Variants in NLK observed in about 807,000 individuals in gnomAD.
NLK encodes the protein serine/threonine-protein kinase NLK.
NLK carries 11 observed loss-of-function variants against 59.0 expected under a neutral mutation model. The observed-to-expected ratio is 0.19, with a 90% CI of 0.12 to 0.31. The LOEUF is 0.31. Ranked by LOEUF, NLK falls within the 10% of genes least tolerant of loss-of-function variation. The pLI is 1.00. For missense variants in NLK, 410 were observed against 661.1 expected (o/e 0.62, Z 4.16); for synonymous variants, 235 against 235.9 (o/e 1.00, Z 0.03).
chr17:28,175,337 C>G (rs940293719), intron 7 of NLK, among the ~76,000 whole-genome samples: 10 of 151,792 alleles, frequency 6.6e-5, no homozygotes, highest in African/African-American at 2.4e-4. Context: ...GCCTGTAGTC[C>G]CAGCTACTCG....
chr17:28,172,435 A>T (rs892903764), intron 6 of NLK, 82 bp from the exon 7 acceptor site: 4 of 876,604 alleles, frequency 4.6e-6, no homozygotes, highest in Non-Finnish European at 6.3e-6. Flanking sequence ...GATTTGGTCC[A>T]CTTCTCTAAG....
intron 10 of NLK, 65 bp downstream of exon 10, chr17:28,192,278 A>T (rs1393537092): frequency 1.2e-6 from 1 of 840,970 alleles, no homozygotes; most frequent in African/African-American, 1.7e-5. Flanking sequence ...TTACTTCATT[A>T]TTCAGCATAT....
In NLK at chr17:28,194,651, G is replaced by A. The variant is rs1405978975; in HGVS notation, c.*15G>A. The A allele has an allele frequency of 6.4e-7, 1 of 1,572,140 alleles. No individual in the cohort carries two copies. Among genetic ancestry groups the A allele is most frequent in the Non-Finnish European group, 8.7e-7 (1 of 1,146,988 alleles). On this transcript the variant is annotated 3_prime_UTR_variant, in exon 11 of 11. Transcript: ENST00000407008. ...TGTGGGAGTGATGGTGGAAGATAAT[G>A]TACTACTGAAGATGTAATGTAGCTT...
At chr17:28,110,178 A>T (rs888095853) in intron 1 of NLK, among the ~76,000 whole-genome samples, 1 of 152,112 alleles carries the variant, frequency 6.6e-6, no homozygotes, top group Admixed American at 6.6e-5. Flanking sequence ...GTTGTGAATG[A>T]AATTGTTTTC....
intron 1 of NLK, among the ~76,000 whole-genome samples, chr17:28,103,238 G>T (rs531389023): frequency 6.6e-6 from 1 of 152,262 alleles, no homozygotes; most frequent in South Asian, 2.1e-4. Context: ...GAGTCCTGTA[G>T]ATTGTTCTCT....
intron 2 of NLK, among the ~76,000 whole-genome samples, chr17:28,125,708 C>T (rs1906263236): frequency 6.6e-6 from 1 of 152,076 alleles, no homozygotes; most frequent in Admixed American, 6.5e-5. Flanking sequence ...TAAGAGGCAA[C>T]TGGTATTTGA....
At chr17:28,068,753 C>T (rs1367886848) in intron 1 of NLK, among the ~76,000 whole-genome samples, 2 of 152,138 alleles carry the variant, frequency 1.3e-5, no homozygotes, top group Non-Finnish European at 2.9e-5. Flanking sequence ...GATCATAGCT[C>T]ACTGTAACCT....
At chr17:28,183,301 C>A (rs1042296381) in intron 7 of NLK, among the ~76,000 whole-genome samples, 1 of 152,184 alleles carries the variant, frequency 6.6e-6, no homozygotes, top group African/African-American at 2.4e-5. Context: ...GGGGTCATTA[C>A]TCCTACAGTT....
chr17:28,162,079 G>T (rs192088492), intron 4 of NLK, among the ~76,000 whole-genome samples: 2 of 151,994 alleles, frequency 1.3e-5, no homozygotes, highest in Non-Finnish European at 2.9e-5. Context: ...GCAGTGGTGC[G>T]ATCTCAGCTC....
At chr17:28,129,007 A>C (rs541239952) in intron 2 of NLK, among the ~76,000 whole-genome samples, 4 of 152,356 alleles carry the variant, frequency 2.6e-5, no homozygotes, top group African/African-American at 9.6e-5. Flanking sequence ...ACACAGGAAC[A>C]TGAATGAATC....
At chr17:28,148,005 C>CT (rs1907327589) in intron 3 of NLK, among the ~76,000 whole-genome samples, 1 of 152,104 alleles carries the variant, frequency 6.6e-6, no homozygotes, top group Non-Finnish European at 1.5e-5. Flanking sequence ...TAAAGATAAA[C>CT]TTTTATGCAA....
At chr17:28,203,160 T>TACACAC in the NLK span, among the ~76,000 whole-genome samples, 14 of 127,142 alleles carry the variant, frequency 1.1e-4, no homozygotes, top group African/African-American at 4.5e-4. Flanking sequence ...TGTATATACA[T>TACACAC]ACATACACAC....
At chr17:28,141,859 G>T (rs1907007491) in intron 3 of NLK, among the ~76,000 whole-genome samples, 1 of 152,094 alleles carries the variant, frequency 6.6e-6, no homozygotes, top group Admixed American at 6.6e-5. Context: ...TTCAAATTTG[G>T]TTTTTTATAC....
chr17:28,073,678 A>G (rs1910080866), intron 1 of NLK, among the ~76,000 whole-genome samples: 2 of 152,064 alleles, frequency 1.3e-5, no homozygotes, highest in Non-Finnish European at 2.9e-5. Context: ...GTCTTTTCCT[A>G]TTTCAACTGT....
intron 5 of NLK, among the ~76,000 whole-genome samples, chr17:28,166,160 A>T (rs1908226242): frequency 6.6e-6 from 1 of 152,246 alleles, no homozygotes; most frequent in Non-Finnish European, 1.5e-5. Context: ...CGTTGCAGTG[A>T]GCCGACATCA....
chr17:28,043,032 T>G lies in NLK; in HGVS notation c.159T>G (p.Leu53=), dbSNP rs1908917294. The G allele has an allele frequency of 6.4e-7, 1 of 1,556,066 alleles. No homozygotes were observed. The highest frequency in any genetic ancestry group is 1.4e-5 in the African/African-American group (1 of 73,164). The change falls in exon 1 of 11, where the codon CTT becomes CTG. Residue 53 remains leucine, a synonymous_variant. Coordinates refer to ENST00000407008, the MANE Select transcript of NLK (RefSeq NM_016231.5). ...ACCACCACCACCCTCAACACCATCT[T>G]CATCCGGGGTCGGCTGCCGCTGTAC... is the stretch of plus-strand genomic sequence containing the variant. ...LHHHHHPQHH[L]HPGSAAAVHP...
intron 7 of NLK, among the ~76,000 whole-genome samples, chr17:28,176,712 T>C (rs1908695152): frequency 6.6e-6 from 1 of 152,190 alleles, no homozygotes; most frequent in Non-Finnish European, 1.5e-5. Context: ...AAAATAAAAT[T>C]AAAATTTTAC....
chr17:28,179,172 A>C (rs1908797411), intron 7 of NLK, among the ~76,000 whole-genome samples: 1 of 152,220 alleles, frequency 6.6e-6, no homozygotes, highest in Admixed American at 6.5e-5. Flanking sequence ...TTTATTTTAA[A>C]GGAGGAAATT....
intron 1 of NLK, among the ~76,000 whole-genome samples, chr17:28,051,547 CGG>C (rs1909257426): frequency 6.6e-6 from 1 of 151,702 alleles, no homozygotes; most frequent in Non-Finnish European, 1.5e-5. Context: ...TTAGTAGAGA[CGG>C]GGTTTCACCA....
Sources: allele counts gnomAD v4.1 joint callset (sites outside exome capture counted in the v4.1 genomes callset), GRCh38; gene constraint gnomAD v4.1.1; transcripts MANE v1.5; gene names NCBI Gene and HGNC (gene_info 2026-07-23, HGNC 2026-07-21).